OR7C1: variants seen among roughly 807,000 people sequenced by gnomAD.
The protein encoded by OR7C1 is olfactory receptor 7C1.
For missense variants in OR7C1, 324 were observed against 383.3 expected (o/e 0.85, Z 1.29); for synonymous variants, 152 against 160.7 (o/e 0.95, Z 0.41).
chr19:14,832,814 C>A (rs1599927839), intron 1 of OR7C1, among the ~76,000 whole-genome samples: 2 of 152,036 alleles, frequency 1.3e-5, no homozygotes, highest in Admixed American at 1.3e-4. Context: ...AGAATAAAAC[C>A]AGGTTAAATA....
chr19:14,813,419 G>T (rs1451665009), intron 1 of OR7C1, among the ~76,000 whole-genome samples: 1 of 151,830 alleles, frequency 6.6e-6, no homozygotes, highest in Non-Finnish European at 1.5e-5. Flanking sequence ...GCCAGGCATG[G>T]TGGCGGGCGC....
chr19:14,816,586 G>GT (rs2044717303), intron 1 of OR7C1, among the ~76,000 whole-genome samples: 1 of 152,208 alleles, frequency 6.6e-6, no homozygotes, highest in Non-Finnish European at 1.5e-5. Context: ...TGGGCCTTCA[G>GT]CCGCAGACTG....
At chr19:14,828,323 T>C in intron 1 of OR7C1, 1 of 1,400,520 alleles carries the variant, frequency 7.1e-7, no homozygotes, top group East Asian at 2.3e-5. Context: ...AGAAATACCA[T>C]CATTTATATT....
At chr19:14,813,072 C>CAAAAA (rs61686100) in intron 1 of OR7C1, among the ~76,000 whole-genome samples, 6 of 87,726 alleles carry the variant, frequency 6.8e-5, no homozygotes, top group African/African-American at 2.2e-4. Flanking sequence ...GATTCCATCT[C>CAAAAA]AAAAAAAAAA....
At chr19:14,799,682 C>G (rs781206084) in exon 5 of OR7C1, 1 of 1,614,114 alleles carries the variant, frequency 6.2e-7, no homozygotes, top group South Asian at 1.1e-5. Flanking sequence ...ACCCATGACA[C>G]TGATGCACCA....
intron 1 of OR7C1, among the ~76,000 whole-genome samples, chr19:14,818,581 G>A (rs956795951): frequency 1.3e-5 from 2 of 152,146 alleles, no homozygotes; most frequent in African/African-American, 4.8e-5. Context: ...CAGTCTTTGC[G>A]AGATCTTTGC....
intron 1 of OR7C1, among the ~76,000 whole-genome samples, chr19:14,820,602 C>T (rs373512703): frequency 5.9e-5 from 9 of 151,978 alleles, no homozygotes; most frequent in Non-Finnish European, 7.4e-5. Context: ...CCTATGTAGA[C>T]GTACAACTTT....
At chr19:14,832,639 A>T (rs2044844832) in intron 1 of OR7C1, among the ~76,000 whole-genome samples, 1 of 151,132 alleles carries the variant, frequency 6.6e-6, no homozygotes, top group Non-Finnish European at 1.5e-5. Context: ...GTTGGCCAGG[A>T]TGGTCTCGAT....
At chr19:14,799,402 G>C (rs2044627586) in exon 5 of OR7C1, 2 of 1,614,080 alleles carry the variant, frequency 1.2e-6, no homozygotes, top group Non-Finnish European at 1.7e-6. Context: ...TGACCACTGA[G>C]AGGTGGGAAC....
intron 1 of OR7C1, among the ~76,000 whole-genome samples, chr19:14,812,038 G>A (rs1052841197): frequency 4.6e-5 from 7 of 150,622 alleles, no homozygotes; most frequent in Admixed American, 2.0e-4. Flanking sequence ...GTGTTGTTCA[G>A]TCTTTGCTGC....
chr19:14,800,202 G>T, intron 4 of OR7C1, 53 bp from the exon 5 acceptor site: 1 of 1,455,356 alleles, frequency 6.9e-7, no homozygotes, highest in South Asian at 1.5e-5. Flanking sequence ...CTGGCAACAT[G>T]GAAATTTGGT....
At chr19:14,815,811 G>A (rs984158736) in intron 1 of OR7C1, among the ~76,000 whole-genome samples, 1 of 150,236 alleles carries the variant, frequency 6.7e-6, no homozygotes, top group South Asian at 2.1e-4. Flanking sequence ...GTGTGTGTGT[G>A]TGTGTCTGTG....
intron 1 of OR7C1, among the ~76,000 whole-genome samples, chr19:14,810,379 T>TTTG (rs369437762): frequency 0.012 from 1,714 of 143,304 alleles, 21 homozygotes; most frequent in South Asian, 0.018. Flanking sequence ...TGAGTTTTTT[T>TTTG]TTTTTGTTTT....
chr19:14,832,495 G>A (rs1330517079), intron 1 of OR7C1, among the ~76,000 whole-genome samples: 2 of 149,082 alleles, frequency 1.3e-5, no homozygotes, highest in Admixed American at 1.3e-4. Context: ...GCGCGATCTC[G>A]GCTGACTGGC....
chr19:14,821,031 A>G (rs1390877072), intron 1 of OR7C1, among the ~76,000 whole-genome samples: 1 of 152,178 alleles, frequency 6.6e-6, no homozygotes, highest in African/African-American at 2.4e-5. Context: ...AGGTGGGTGG[A>G]TCACGAGACC....
chr19:14,827,902 G>C (rs1420733955), intron 1 of OR7C1: 1 of 1,614,202 alleles, frequency 6.2e-7, no homozygotes, highest in Non-Finnish European at 8.5e-7. Context: ...ACGGACAGGA[G>C]GAAGTTTTCA....
chr19:14,809,386 G>T (rs2147649940), intron 2 of OR7C1, among the ~76,000 whole-genome samples: 1 of 152,006 alleles, frequency 6.6e-6, no homozygotes, highest in East Asian at 1.9e-4. Flanking sequence ...GAAGAGAGTG[G>T]CCCTGGAATT....
At chr19:14,810,546 AT>A (rs71168507) in intron 1 of OR7C1, among the ~76,000 whole-genome samples, 7,441 of 137,160 alleles carry the variant, frequency 0.054, 225 homozygotes, top group African/African-American at 0.069. Flanking sequence ...TGCCCGGCTA[AT>A]TTTTTTTTTT....
At chr19:14,820,592 C>T (rs980526510) in intron 1 of OR7C1, among the ~76,000 whole-genome samples, 63 of 152,014 alleles carry the variant, frequency 4.1e-4, no homozygotes, top group African/African-American at 1.5e-3. Flanking sequence ...AAAAAGTGTT[C>T]CTATGTAGAC....
Sources: allele counts gnomAD v4.1 joint callset (sites outside exome capture counted in the v4.1 genomes callset), GRCh38; gene constraint gnomAD v4.1.1; transcripts MANE v1.5; gene names NCBI Gene and HGNC (gene_info 2026-07-23, HGNC 2026-07-21).